PTPRD: variants seen among roughly 807,000 people sequenced by gnomAD.
The protein encoded by PTPRD is receptor-type tyrosine-protein phosphatase delta.
PTPRD carries 34 observed loss-of-function variants against 214.5 expected under a neutral mutation model. That is an observed-to-expected ratio of 0.16 (90% CI 0.12 to 0.21). The LOEUF (loss-of-function observed/expected upper bound fraction) is 0.21. PTPRD is among the 10% of genes least tolerant of loss of function. The pLI, the probability that PTPRD is intolerant of heterozygous loss-of-function variation, is 1.00. For synonymous variants in PTPRD, 1,128 were observed against 845.7 expected (o/e 1.33, Z -5.79); for missense variants, 2,545 against 2,398.7 (o/e 1.06, Z -1.27).
At chr9:8,823,896 T>C (rs1304976913) in intron 11 of PTPRD, among the ~76,000 whole-genome samples, 1 of 152,228 alleles carries the variant, frequency 6.6e-6, no homozygotes, top group Admixed American at 6.5e-5. Flanking sequence ...CAAGGGCTGC[T>C]GGTTGCCCAT....
chr9:9,516,740 G>C (rs934299323), intron 8 of PTPRD, among the ~76,000 whole-genome samples: 2 of 150,850 alleles, frequency 1.3e-5, no homozygotes, highest in African/African-American at 4.8e-5. Context: ...GCTTCGCTAT[G>C]TTGGCCAAGG....
rs1463490030 is a variant in PTPRD at position 9,292,248 on chromosome 9, C to T, written c.-203+105201G>A. Among the ~76,000 whole-genome samples the T allele has an allele frequency of 2.0e-5, 3 of 151,148 alleles. No homozygotes were observed. The Admixed American group carries it at 2.0e-4, about 10-fold the overall frequency. On this transcript the variant is annotated intron_variant, in intron 9 of 45. Transcript: ENST00000381196. ...TTCACTTGAAATCCTTCCAAGTTAA[C>T]TGAAGCATAACTGGTTCTTTATCTC...
At chr9:8,625,666 A>C (rs2154306544) in intron 14 of PTPRD, among the ~76,000 whole-genome samples, 1 of 151,704 alleles carries the variant, frequency 6.6e-6, no homozygotes, top group South Asian at 2.1e-4. Context: ...CTATCAATTA[A>C]AAAAAAATCT....
chr9:8,650,351 G>A (rs1421388569), intron 12 of PTPRD, among the ~76,000 whole-genome samples: 1 of 151,980 alleles, frequency 6.6e-6, no homozygotes, highest in Admixed American at 6.5e-5. Flanking sequence ...CCAACATGGA[G>A]AAACTCTGTC....
chr9:8,395,640 T>C (rs985306156), intron 36 of PTPRD, among the ~76,000 whole-genome samples: 7 of 152,090 alleles, frequency 4.6e-5, no homozygotes, highest in African/African-American at 1.7e-4. Context: ...GAATTTTTTT[T>C]TTTAAAAGCA....
chr9:10,019,622 T>C (rs1007463667), intron 4 of PTPRD, among the ~76,000 whole-genome samples: 1 of 152,172 alleles, frequency 6.6e-6, no homozygotes, highest in Admixed American at 6.5e-5. Flanking sequence ...TTCATGTCCT[T>C]TGTAGGGACA....
chr9:10,359,866 C>A (rs2097344725), intron 2 of PTPRD, among the ~76,000 whole-genome samples: 1 of 151,982 alleles, frequency 6.6e-6, no homozygotes, highest in South Asian at 2.1e-4. Flanking sequence ...AATTATAACC[C>A]CCATAGAAGC....
intron 4 of PTPRD, among the ~76,000 whole-genome samples, chr9:9,993,770 T>A (rs577210243): frequency 2.3e-5 from 1 of 43,804 alleles, no homozygotes; most frequent in Non-Finnish European, 5.9e-5. Flanking sequence ...ACATCTGTGA[T>A]TTTTTGCAAT....
intron 14 of PTPRD, among the ~76,000 whole-genome samples, chr9:8,555,845 C>G (rs1161970447): frequency 6.6e-6 from 1 of 152,186 alleles, no homozygotes; most frequent in African/African-American, 2.4e-5. Context: ...AATAAGAAGA[C>G]TGATAAACAT....
At chr9:10,188,892 T>A (rs1463107088) in intron 3 of PTPRD, among the ~76,000 whole-genome samples, 1 of 152,186 alleles carries the variant, frequency 6.6e-6, no homozygotes, top group Non-Finnish European at 1.5e-5. Context: ...ACAATAATTG[T>A]ATGATTCTGG....
chr9:8,937,148 T>C (rs564997658), intron 11 of PTPRD, among the ~76,000 whole-genome samples: 39 of 152,274 alleles, frequency 2.6e-4, no homozygotes, highest in Admixed American at 1.3e-4. Context: ...TATATTGTGT[T>C]GAGTAACGTT....
intron 31 of PTPRD, among the ~76,000 whole-genome samples, chr9:8,466,745 G>A (rs373225535): frequency 6.6e-6 from 1 of 151,732 alleles, no homozygotes; most frequent in East Asian, 1.9e-4. Context: ...AGGACAAACT[G>A]GAAAAAGGAA....
At chr9:9,396,702 T>C (rs568690933) in intron 9 of PTPRD, among the ~76,000 whole-genome samples, 1 of 152,154 alleles carries the variant, frequency 6.6e-6, no homozygotes, top group Non-Finnish European at 1.5e-5. Context: ...ACATTTTCCT[T>C]ATCGCAATTG....
At chr9:9,794,463 T>G (rs2098988878) in intron 5 of PTPRD, among the ~76,000 whole-genome samples, 1 of 151,658 alleles carries the variant, frequency 6.6e-6, no homozygotes, top group South Asian at 2.1e-4. Flanking sequence ...CAAAAGTGAG[T>G]GTATCAATGT....
intron 10 of PTPRD, among the ~76,000 whole-genome samples, chr9:9,089,152 A>T (rs1175556922): frequency 3.3e-5 from 5 of 152,152 alleles, no homozygotes; most frequent in Non-Finnish European, 4.4e-5. Context: ...GGGGTGGCAT[A>T]TGTAAGATAT....
chr9:10,482,350 G>T (rs1042381441), intron 2 of PTPRD, among the ~76,000 whole-genome samples: 4 of 151,902 alleles, frequency 2.6e-5, no homozygotes, highest in Non-Finnish European at 4.4e-5. Context: ...CAGCCTGGGC[G>T]ACAGAGCAAG....
At chr9:10,551,380 G>A (rs372012032) in intron 2 of PTPRD, among the ~76,000 whole-genome samples, 3 of 151,918 alleles carry the variant, frequency 2.0e-5, no homozygotes, top group Admixed American at 6.6e-5. Flanking sequence ...ATTTACCACC[G>A]TGATTCATGT....
intron 10 of PTPRD, among the ~76,000 whole-genome samples, chr9:9,036,351 G>T (rs1337060379): frequency 2.0e-5 from 3 of 152,008 alleles, no homozygotes; most frequent in Non-Finnish European, 4.4e-5. Flanking sequence ...AAATAAGCAA[G>T]TGAAGACACT....
chr9:10,376,336 T>C (rs1183439060), intron 2 of PTPRD, among the ~76,000 whole-genome samples: 1 of 151,802 alleles, frequency 6.6e-6, no homozygotes, highest in Non-Finnish European at 1.5e-5. Context: ...AAGAAACAGT[T>C]ATGTACAGCA....
Sources: allele counts gnomAD v4.1 joint callset (sites outside exome capture counted in the v4.1 genomes callset), GRCh38; gene constraint gnomAD v4.1.1; transcripts MANE v1.5; gene names NCBI Gene and HGNC (gene_info 2026-07-23, HGNC 2026-07-21).